Variants in FBXO15 observed in about 807,000 individuals in gnomAD.
FBXO15 encodes F-box protein 15.
FBXO15 carries 30 observed loss-of-function variants against 49.5 expected under a neutral mutation model. That is an observed-to-expected ratio of 0.61 (90% CI 0.45 to 0.82). The LOEUF (loss-of-function observed/expected upper bound fraction) is 0.82, where lower values mean the gene tolerates loss of function less well. FBXO15 is among the 40% of genes least tolerant of loss of function. The pLI is 0.00. For synonymous variants in FBXO15, 250 were observed against 232.7 expected (o/e 1.07, Z -0.68); for missense variants, 591 against 631.5 (o/e 0.94, Z 0.69).
chr18:74,092,724 A>AC (rs766122875), intron 8 of FBXO15, among the ~76,000 whole-genome samples: 7 of 151,576 alleles, frequency 4.6e-5, no homozygotes, highest in South Asian at 2.1e-4. Context: ...TTGTTCTTTG[A>AC]CCCCCCTCAG....
chr18:74,093,543 C>G (rs1427373916), intron 8 of FBXO15, among the ~76,000 whole-genome samples: 3 of 152,184 alleles, frequency 2.0e-5, no homozygotes, highest in African/African-American at 7.2e-5. Flanking sequence ...ATTTCATGGG[C>G]AAGATCACCC....
intron 8 of FBXO15, among the ~76,000 whole-genome samples, chr18:74,103,661 A>T (rs1029808723): frequency 6.6e-6 from 1 of 152,184 alleles, no homozygotes; most frequent in South Asian, 2.1e-4. Context: ...GCACAAATTC[A>T]TCTGGCAATA....
At chr18:74,123,668 T>C (rs565440981) in intron 7 of FBXO15, among the ~76,000 whole-genome samples, 158 bp from the exon 8 acceptor site, 1 of 152,346 alleles carries the variant, frequency 6.6e-6, no homozygotes, top group African/African-American at 2.4e-5. Flanking sequence ...TACTGTGAAC[T>C]TAAAAGACTG....
At chr18:74,131,451 A>G (rs1978386139) in intron 3 of FBXO15, among the ~76,000 whole-genome samples, 1 of 152,200 alleles carries the variant, frequency 6.6e-6, no homozygotes, top group Admixed American at 6.5e-5. Flanking sequence ...CTGCCTCTTC[A>G]ATCACAAAGA....
At position 74,130,565 on chromosome 18, in the gene FBXO15, G is replaced by A. The variant is rs753005958; in HGVS notation, c.426C>T (p.Ser142=). Residue 142 remains serine, a synonymous_variant, in exon 4 of 10, where the codon AGC becomes AGT. Transcript: ENST00000419743. ...CTTCTTTATCCTGAACTGACAGAAA[G>A]CTCATAGACATAGCTATCTTCTCTA... The part of the protein sequence containing the change: ...NSVEKIAMSM[S]FLSVQDKEAG... 5 of 1,614,000 alleles carry A rather than the reference G, an allele frequency of 3.1e-6. No homozygotes were observed. The highest frequency in any genetic ancestry group is 4.2e-6 in the Non-Finnish European group (5 of 1,180,022).
At chr18:74,104,910 T>A (rs1013572290) in intron 8 of FBXO15, among the ~76,000 whole-genome samples, 7 of 152,160 alleles carry the variant, frequency 4.6e-5, no homozygotes, top group African/African-American at 1.7e-4. Context: ...ATGGAATTAA[T>A]CTAAGTGTAA....
intron 3 of FBXO15, among the ~76,000 whole-genome samples, chr18:74,132,180 G>GT (rs1436007954): frequency 6.6e-6 from 1 of 152,230 alleles, no homozygotes; most frequent in African/African-American, 2.4e-5. Context: ...GCGATGATGA[G>GT]TTGAGTACAT....
chr18:74,101,592 T>C (rs555686264), intron 8 of FBXO15, among the ~76,000 whole-genome samples: 1 of 152,024 alleles, frequency 6.6e-6, no homozygotes, highest in Non-Finnish European at 1.5e-5. Flanking sequence ...ACCATAATTC[T>C]TCACAAAACT....
At position 74,136,673 on chromosome 18, in the gene FBXO15, T is replaced by A. The variant is rs981584658; in HGVS notation, c.228-807A>T. On this transcript the variant is annotated intron_variant, in intron 2 of 9. Transcript: ENST00000419743. The stretch of plus-strand genomic sequence containing the variant: ...TGTATGCCTAAATATGATAGTGAGA[T>A]ATAGTCTCAATATTCCACCTATTTC... Among the ~76,000 whole-genome samples, 3 of 152,214 alleles carry A rather than the reference T, an allele frequency of 2.0e-5. No individual in the cohort carries two copies. The South Asian group carries it at 6.2e-4, about 31-fold the overall frequency.
chr18:74,121,115 T>C (rs1914447820), intron 8 of FBXO15, among the ~76,000 whole-genome samples: 1 of 152,086 alleles, frequency 6.6e-6, no homozygotes, highest in Non-Finnish European at 1.5e-5. Flanking sequence ...CACAGCTGAC[T>C]CAAGAAGAAA....
intron 9 of FBXO15, among the ~76,000 whole-genome samples, chr18:74,080,439 G>A (rs1912440222): frequency 6.6e-6 from 1 of 152,200 alleles, no homozygotes. Context: ...AGGAATTTAT[G>A]GGGAAAACTG....
At chr18:74,131,187 A>G (rs1978370243) in intron 3 of FBXO15, among the ~76,000 whole-genome samples, 2 of 152,254 alleles carry the variant, frequency 1.3e-5, no homozygotes, top group South Asian at 4.1e-4. Context: ...TAATGGTAAC[A>G]ACTAAACAAT....
At chr18:74,126,521 G>A (rs762768740) in intron 5 of FBXO15, among the ~76,000 whole-genome samples, 1 of 152,206 alleles carries the variant, frequency 6.6e-6, no homozygotes, top group African/African-American at 2.4e-5. Context: ...ACATAAGAAC[G>A]GGTGGTCTCA....
At chr18:74,115,897 T>C (rs73476503) in intron 8 of FBXO15, among the ~76,000 whole-genome samples, 1,840 of 152,326 alleles carry the variant, frequency 0.012, 40 homozygotes, top group African/African-American at 0.042. Context: ...CCTGGGTATC[T>C]ATTTCTTTAG....
intron 8 of FBXO15, among the ~76,000 whole-genome samples, chr18:74,101,070 C>A (rs1304583958): frequency 6.6e-6 from 1 of 152,024 alleles, no homozygotes; most frequent in African/African-American, 2.4e-5. Context: ...GCCAGTATCA[C>A]CCTCATACTA....
chr18:74,076,154 C>A (rs1568152769), intron 9 of FBXO15: 1 of 152,258 alleles, frequency 6.6e-6, no homozygotes, highest in Non-Finnish European at 1.5e-5. Context: ...CCCTCCTAGC[C>A]CTGACGAGCC....
chr18:74,143,134 A>G (rs1049261326), intron 1 of FBXO15, among the ~76,000 whole-genome samples: 1 of 152,196 alleles, frequency 6.6e-6, no homozygotes, highest in Non-Finnish European at 1.5e-5. Flanking sequence ...TAAGCATCAT[A>G]TGAATAATTC....
intron 8 of FBXO15, among the ~76,000 whole-genome samples, chr18:74,116,754 G>A (rs62097025): frequency 0.087 from 13,301 of 152,048 alleles, 820 homozygotes; most frequent in Admixed American, 0.2. Flanking sequence ...ACCCTATCAG[G>A]CAGGGATCAC....
rs1912196896 is a variant in FBXO15, at chr18:74,074,941, A to G, written c.1264-1211T>C. Among the ~76,000 whole-genome samples, 1 of 152,102 alleles carries G rather than the reference A, an allele frequency of 6.6e-6. No individual in the cohort carries two copies. The highest frequency in any genetic ancestry group is 2.4e-5 in the African/African-American group (1 of 41,430). On this transcript the variant is annotated intron_variant, in intron 9 of 9. Transcript: ENST00000419743. This position sits in a 1 kb window ranked among gnomAD's most constrained non-coding sequence, Gnocchi z 4.7. Reference sequence around the variant, plus strand: ...CTTTGCTGGAATAACACTCTTGCCAATGCACATACCTCCCTCACTCCCCTT... The same window carrying G: ...CTTTGCTGGAATAACACTCTTGCCAGTGCACATACCTCCCTCACTCCCCTT...
Sources: allele counts gnomAD v4.1 joint callset (sites outside exome capture counted in the v4.1 genomes callset), GRCh38; gene constraint gnomAD v4.1.1; non-coding constraint Gnocchi (gnomAD v3.1); transcripts MANE v1.5; gene names NCBI Gene and HGNC (gene_info 2026-07-23, HGNC 2026-07-21).